Variants in APBB2 observed in about 807,000 individuals in gnomAD.
The protein encoded by APBB2 is amyloid beta precursor protein binding family B member 2, also known as Fe65-like 1.
A neutral mutation model predicts 82.5 loss-of-function variants in APBB2; 38 were observed. The observed-to-expected ratio is 0.46, with a 90% CI of 0.36 to 0.60. The LOEUF (loss-of-function observed/expected upper bound fraction) is 0.60, where lower values mean the gene tolerates loss of function less well. APBB2 is among the 20% of genes least tolerant of loss of function. The probability of loss-of-function intolerance (pLI) is 0.00; values close to 1 mark genes in which losing one functional copy is unlikely to be tolerated. For synonymous variants in APBB2, 341 were observed against 368.2 expected (o/e 0.93, Z 0.85); for missense variants, 772 against 972.3 (o/e 0.79, Z 2.74).
At chr4:41,181,415 T>G (rs1302868322) in intron 1 of APBB2, among the ~76,000 whole-genome samples, 3 of 152,358 alleles carry the variant, frequency 2.0e-5, no homozygotes, top group Non-Finnish European at 2.9e-5. Flanking sequence ...AAGAAGAAAT[T>G]GAAACGTGCT....
At chr4:40,988,404 G>A (rs1196695904) in intron 6 of APBB2, among the ~76,000 whole-genome samples, 4 of 151,974 alleles carry the variant, frequency 2.6e-5, no homozygotes, top group Admixed American at 1.3e-4. Flanking sequence ...GGGAGGTGGA[G>A]GCAGGCGGAT....
At chr4:41,066,700 T>C (rs567170111) in intron 3 of APBB2, among the ~76,000 whole-genome samples, 2 of 152,312 alleles carry the variant, frequency 1.3e-5, no homozygotes, top group East Asian at 3.9e-4. Flanking sequence ...CCGCATGGTA[T>C]AGTCCAGAGT....
intron 17 of APBB2, among the ~76,000 whole-genome samples, chr4:40,816,488 T>G (rs1392614545): frequency 1.3e-5 from 2 of 152,214 alleles, no homozygotes; most frequent in African/African-American, 4.8e-5. Flanking sequence ...TTCCATCCAT[T>G]TCCACCCTCC....
intron 1 of APBB2, among the ~76,000 whole-genome samples, chr4:41,196,193 C>T: frequency 6.6e-6 from 1 of 152,012 alleles, no homozygotes; most frequent in African/African-American, 2.4e-5. Context: ...CCTAGCCCAT[C>T]CCATGATCAC....
intron 5 of APBB2, among the ~76,000 whole-genome samples, chr4:41,016,268 T>G (rs1809909366): frequency 6.6e-6 from 1 of 152,252 alleles, no homozygotes; most frequent in Non-Finnish European, 1.5e-5. Flanking sequence ...TTATTTGCTT[T>G]GTTTATAATC....
intron 1 of APBB2, among the ~76,000 whole-genome samples, chr4:41,171,778 G>A (rs1768328490): frequency 6.6e-6 from 1 of 152,162 alleles, no homozygotes; most frequent in Admixed American, 6.5e-5. Flanking sequence ...GGCCAACATG[G>A]TGAAACCCCA....
intron 6 of APBB2, among the ~76,000 whole-genome samples, chr4:40,966,114 A>G (rs1560405431): frequency 6.6e-6 from 1 of 152,246 alleles, no homozygotes; most frequent in Non-Finnish European, 1.5e-5. Flanking sequence ...ATGTGACTTA[A>G]GCATCTACTA....
chr4:40,839,102 G>A (rs1213400855), intron 12 of APBB2, among the ~76,000 whole-genome samples: 3 of 151,972 alleles, frequency 2.0e-5, no homozygotes, highest in African/African-American at 7.3e-5. Flanking sequence ...TTTTGAGACA[G>A]GGTCTCACTC....
intron 12 of APBB2, among the ~76,000 whole-genome samples, chr4:40,859,287 A>ATT (rs34512213): frequency 0.01 from 1,456 of 141,962 alleles, 27 homozygotes; most frequent in African/African-American, 0.036. Context: ...GGCTGCTGTC[A>ATT]TTTTTTTTTT....
chr4:40,935,924 A>T (rs1258836876), intron 7 of APBB2, among the ~76,000 whole-genome samples: 1 of 152,236 alleles, frequency 6.6e-6, no homozygotes, highest in Non-Finnish European at 1.5e-5. Flanking sequence ...CACCTCAGAC[A>T]ATGAGAAAAT....
intron 2 of APBB2, among the ~76,000 whole-genome samples, chr4:41,132,520 T>C (rs1338998878): frequency 2.0e-5 from 3 of 152,206 alleles, no homozygotes; most frequent in South Asian, 2.1e-4. Flanking sequence ...GAGGCTTCCA[T>C]GGCCACCTCC....
chr4:41,075,421 A>C (rs1735331565), intron 3 of APBB2, among the ~76,000 whole-genome samples: 1 of 152,218 alleles, frequency 6.6e-6, no homozygotes, highest in African/African-American at 2.4e-5. Flanking sequence ...CAATGATGGA[A>C]GCTTCTGGCA....
At chr4:40,910,385 C>T (rs574575993) in intron 10 of APBB2, among the ~76,000 whole-genome samples, 13 of 152,130 alleles carry the variant, frequency 8.5e-5, no homozygotes, top group East Asian at 7.7e-4. Context: ...CTACAGGCTA[C>T]GCACTACCAT....
At chr4:41,074,028 A>C (rs1391440199) in intron 3 of APBB2, among the ~76,000 whole-genome samples, 1 of 152,162 alleles carries the variant, frequency 6.6e-6, no homozygotes, top group Non-Finnish European at 1.5e-5. Flanking sequence ...TGGGAGGCTG[A>C]GGCAGGAGGA....
intron 3 of APBB2, among the ~76,000 whole-genome samples, chr4:41,095,622 G>T (rs1363145854): frequency 1.3e-5 from 2 of 152,122 alleles, no homozygotes; most frequent in African/African-American, 2.4e-5. Context: ...TATAAAAGGT[G>T]CTCTCTCTAG....
At chr4:40,876,152 A>T (rs1009530854) in intron 12 of APBB2, among the ~76,000 whole-genome samples, 1 of 152,222 alleles carries the variant, frequency 6.6e-6, no homozygotes, top group Admixed American at 6.5e-5. Context: ...GAGTTAAATA[A>T]ATCTTTGGCA....
intron 10 of APBB2, among the ~76,000 whole-genome samples, chr4:40,911,136 GT>G (rs1259332892): frequency 6.6e-6 from 1 of 152,240 alleles, no homozygotes; most frequent in African/African-American, 2.4e-5. Context: ...TTTGGACTGT[GT>G]AGGTCCACAC....
At chr4:40,920,336 T>C (rs1308633109) in intron 10 of APBB2, among the ~76,000 whole-genome samples, 3 of 152,222 alleles carry the variant, frequency 2.0e-5, no homozygotes, top group Non-Finnish European at 2.9e-5. Flanking sequence ...AGTGAGTCCA[T>C]TAAACCTCTT....
chr4:40,909,596 G>A (rs1316128491), intron 10 of APBB2, among the ~76,000 whole-genome samples: 5 of 152,172 alleles, frequency 3.3e-5, no homozygotes, highest in Non-Finnish European at 1.5e-5. Flanking sequence ...TGGAAAATTT[G>A]AGCAGAGGTG....
Sources: gnomAD v4.1 joint callset for allele counts (sites outside exome capture counted in the v4.1 genomes callset) on GRCh38, gnomAD v4.1.1 for gene constraint, MANE v1.5 for transcripts, NCBI Gene and HGNC (gene_info 2026-07-23, HGNC 2026-07-21) for gene names.